CACNA1C: variants seen among roughly 807,000 people sequenced by gnomAD.
The protein encoded by CACNA1C is voltage-dependent L-type calcium channel subunit alpha-1C.
In CACNA1C, 30 loss-of-function variants were observed where a neutral mutation model predicts 229.0. That is an observed-to-expected ratio of 0.13 (90% CI 0.10 to 0.18). The LOEUF is 0.18. Among genes scored for constraint, CACNA1C ranks in the 10% least tolerant of loss-of-function variants. The probability of loss-of-function intolerance (pLI) is 1.00; values close to 1 mark genes in which losing one functional copy is unlikely to be tolerated. For synonymous variants in CACNA1C, 1,114 were observed against 1,132.5 expected (o/e 0.98, Z 0.33); for missense variants, 1,658 against 2,845.0 (o/e 0.58, Z 9.49).
intron 5 of CACNA1C, among the ~76,000 whole-genome samples, chr12:2,461,230 G>A (rs1042762673): frequency 6.6e-6 from 1 of 152,148 alleles, no homozygotes; most frequent in African/African-American, 2.4e-5. Context: ...GTCCTCCAGG[G>A]CCATGTTACA....
chr12:2,099,641 A>G (rs1014274042), intron 1 of CACNA1C, among the ~76,000 whole-genome samples: 1 of 152,210 alleles, frequency 6.6e-6, no homozygotes, highest in African/African-American at 2.4e-5. Context: ...ATTGCACAGA[A>G]TTTTGGAAAA....
At chr12:2,551,135 A>T (rs2099901121) in intron 10 of CACNA1C, among the ~76,000 whole-genome samples, 2 of 152,172 alleles carry the variant, frequency 1.3e-5, no homozygotes, top group South Asian at 4.1e-4. Context: ...AAGGCTTCAA[A>T]GTCTGTCAGT....
intron 3 of CACNA1C, among the ~76,000 whole-genome samples, chr12:2,342,280 A>G (rs953925470): frequency 1.3e-5 from 2 of 152,098 alleles, no homozygotes; most frequent in Non-Finnish European, 2.9e-5. Context: ...TGTGCACATA[A>G]CTGGTACCTT....
chr12:2,542,230 T>C (rs1229067613), intron 9 of CACNA1C, among the ~76,000 whole-genome samples: 1 of 152,248 alleles, frequency 6.6e-6, no homozygotes, highest in African/African-American at 2.4e-5. Context: ...AGGATGACTT[T>C]GGTCATCTTT....
chr12:2,536,537 T>C (rs1274481851), intron 9 of CACNA1C, among the ~76,000 whole-genome samples: 1 of 152,124 alleles, frequency 6.6e-6, no homozygotes, highest in Non-Finnish European at 1.5e-5. Flanking sequence ...ACCTATACAA[T>C]GAAGGGCTAG....
chr12:2,469,767 CAG>C (rs1567873358), intron 5 of CACNA1C, among the ~76,000 whole-genome samples: 1 of 152,136 alleles, frequency 6.6e-6, no homozygotes, highest in African/African-American at 2.4e-5. Flanking sequence ...TTGTGCAAAA[CAG>C]AAATACTTTT....
chr12:2,549,740 T>A (rs1030094433), intron 9 of CACNA1C, among the ~76,000 whole-genome samples: 1 of 152,202 alleles, frequency 6.6e-6, no homozygotes, highest in East Asian at 1.9e-4. Context: ...GTTTACAGTG[T>A]TCTTGGCGGC....
chr12:2,485,453 G>A (rs1023942814), intron 5 of CACNA1C, among the ~76,000 whole-genome samples: 2 of 152,182 alleles, frequency 1.3e-5, no homozygotes, highest in South Asian at 2.1e-4. Context: ...CATAGACCGC[G>A]GTGCAAGCCC....
Position 2,493,447 on chromosome 12 carries a change from ACACCTCCCTTTCTCCTCCTCC to A in CACNA1C, c.1113+63_1113+83del, listed in dbSNP as rs1311851679. 6 of 1,278,826 alleles carry A rather than the reference ACACCTCCCTTTCTCCTCCTCC, an allele frequency of 4.7e-6. No individual in the cohort carries two copies. In the African/African-American group the frequency reaches 5.9e-5, roughly 12 times the overall value. The allele number at this position is 1,278,826 out of a possible 1,614,324, so 79.2% of individuals were successfully genotyped here. On this transcript the variant is annotated intron_variant, in intron 7 of 46. Coordinates refer to ENST00000399655, the MANE Select transcript of CACNA1C (RefSeq NM_000719.7). This position sits in a 1 kb window ranked among gnomAD's most constrained non-coding sequence, Gnocchi z 4.6. ...AACAGCGGCCGTGAACCCTTCCCTG[ACACCTCCCTTTCTCCTCCTCC>A]CCATGGTCTTGGGGTCACATACGCA...
At chr12:2,528,989 A>G (rs911189227) in intron 9 of CACNA1C, among the ~76,000 whole-genome samples, 2 of 152,220 alleles carry the variant, frequency 1.3e-5, no homozygotes, top group African/African-American at 4.8e-5. Context: ...GCTGACCCCA[A>G]GCTCTTGAAA....
At chr12:2,069,911 G>A (rs1265496327) in intron 1 of CACNA1C, among the ~76,000 whole-genome samples, 3 of 152,040 alleles carry the variant, frequency 2.0e-5, no homozygotes, top group Admixed American at 1.3e-4. Flanking sequence ...TCAAATTCCT[G>A]GACTCAAGCA....
rs7316246 is a variant in CACNA1C, at chr12:2,695,289, G to A, written c.*4090G>A. 13,676 of 152,292 alleles carry A rather than the reference G, an allele frequency of 0.09. 939 individuals are homozygous for A. Among genetic ancestry groups the A allele is most frequent in the African/African-American group, 0.18 (7,425 of 41,538 alleles). 9.4% of individuals were successfully genotyped at this position (152,292 alleles called of 1,614,324 possible). A position where few individuals can be genotyped will look rare whatever the true frequency, so the allele number is the denominator to read the frequency against. On this transcript the variant is annotated 3_prime_UTR_variant, in exon 47 of 47. Coordinates refer to ENST00000399655, the MANE Select transcript of CACNA1C (RefSeq NM_000719.7). ...CCACAGTGACCAGTGTGGTGGAGCC[G>A]CTGACATCTCAAGGATCTATTTGGG...
intron 8 of CACNA1C, among the ~76,000 whole-genome samples, chr12:2,505,213 G>A (rs1371813883): frequency 6.6e-6 from 1 of 152,148 alleles, no homozygotes; most frequent in African/African-American, 2.4e-5. Context: ...GTCCAGGCAG[G>A]CAGGGCACTT....
At chr12:2,465,415 A>T (rs1336376844) in intron 5 of CACNA1C, among the ~76,000 whole-genome samples, 1 of 152,180 alleles carries the variant, frequency 6.6e-6, no homozygotes, top group African/African-American at 2.4e-5. Flanking sequence ...CATACCGGAG[A>T]TAAGCCCTGA....
intron 3 of CACNA1C, among the ~76,000 whole-genome samples, chr12:2,358,988 C>T (rs2097475841): frequency 6.6e-6 from 1 of 152,248 alleles, no homozygotes; most frequent in South Asian, 2.1e-4. Flanking sequence ...CTTTGTCTCT[C>T]TTTGTTCTGC....
intron 29 of CACNA1C, among the ~76,000 whole-genome samples, chr12:2,631,086 T>G (rs1390230987): frequency 6.6e-6 from 1 of 152,216 alleles, no homozygotes; most frequent in Non-Finnish European, 1.5e-5. Context: ...TGATTAACTG[T>G]GTGTGTTTCT....
chr12:2,608,776 A>G lies in CACNA1C; in HGVS notation c.3558+64A>G. 1 of 1,536,010 alleles carries G rather than the reference A, an allele frequency of 6.5e-7. No homozygotes were observed. Among genetic ancestry groups the G allele is most frequent in the South Asian group, 1.2e-5 (1 of 86,742 alleles). ...CGGAGGGAATGGCAGCCTGCGGCCC[A>G]CCCCGCAGAGGGGCTGCGACAGGGA... is the stretch of plus-strand genomic sequence containing the variant. On this transcript the variant is annotated intron_variant, in intron 27 of 46. Coordinates refer to ENST00000399655, the MANE Select transcript of CACNA1C (RefSeq NM_000719.7). This position sits in a 1 kb window ranked among gnomAD's most constrained non-coding sequence, Gnocchi z 4.2.
chr12:2,571,912 C>T (rs1013419975), intron 13 of CACNA1C, among the ~76,000 whole-genome samples: 1 of 152,162 alleles, frequency 6.6e-6, no homozygotes, highest in Non-Finnish European at 1.5e-5. Context: ...TTCAGCTGAA[C>T]CTTGAAATGG....
chr12:2,281,867 T>C (rs2091374854), intron 3 of CACNA1C, among the ~76,000 whole-genome samples: 1 of 152,192 alleles, frequency 6.6e-6, no homozygotes, highest in Non-Finnish European at 1.5e-5. Flanking sequence ...TTATAATTTT[T>C]TTTTTGCTTC....
Sources: allele counts gnomAD v4.1 joint callset (sites outside exome capture counted in the v4.1 genomes callset), GRCh38; gene constraint gnomAD v4.1.1; non-coding constraint Gnocchi (gnomAD v3.1); transcripts MANE v1.5; gene names NCBI Gene and HGNC (gene_info 2026-07-23, HGNC 2026-07-21).